The following YME1L1 variants were observed in gnomAD, a reference collection of about 807,000 sequenced individuals.
The protein encoded by YME1L1 is ATP-dependent zinc metalloprotease YME1L1.
YME1L1 carries 39 observed loss-of-function variants against 90.4 expected under a neutral mutation model. That is an observed-to-expected ratio of 0.43 (90% confidence interval 0.33 to 0.56). YME1L1 has a LOEUF of 0.56. YME1L1 is among the 20% of genes least tolerant of loss of function. The pLI is 0.03. For synonymous variants in YME1L1, 284 were observed against 287.3 expected, an observed-to-expected ratio of 0.99 and a Z score of 0.12; for missense variants, 617 against 868.4, an observed-to-expected ratio of 0.71 and a Z score of 3.64.
chr10:27,124,253 G>A (rs1436453316), intron 9 of YME1L1, among the ~76,000 whole-genome samples: 2 of 152,138 alleles, frequency 1.3e-5, no homozygotes, highest in Non-Finnish European at 2.9e-5. Context: ...GACGTTTATA[G>A]TTTTCTTTCA....
In YME1L1 at chr10:27,123,556, T is replaced by G. The variant is rs758926969; in HGVS notation, c.1093A>C (p.Asn365His). The change falls in exon 10 of 19, where the codon AAT (asparagine) becomes CAT (histidine). Residue 365 changes from asparagine to histidine, a missense_variant. Around this residue, in one of 4 missense-constraint regions of YME1L1, gnomAD observed 93 missense variants for 184.8 expected, o/e 0.50. Coordinates refer to ENST00000376016, the MANE Select transcript of YME1L1 (RefSeq NM_014263.4). ...ATACACCAAAACGTACTAAAAAGAT[T>G]TCTGATACGGCTGGCTCCCACACCC... is the stretch of plus-strand genomic sequence containing the variant. ...FVGVGASRIRNLFREAKANAP... is the reference protein window; with the variant it reads ...FVGVGASRIRHLFREAKANAP... 126 of 1,613,496 alleles carry G rather than the reference T, an allele frequency of 7.8e-5. No homozygotes were observed. The highest frequency in any genetic ancestry group is 1.0e-4 in the Non-Finnish European group (121 of 1,179,764).
At position 27,136,129 on chromosome 10, in the gene YME1L1, T is replaced by C. The variant is rs117003230; in HGVS notation, c.540+147A>G. 55 of 681,748 alleles carry C rather than the reference T, an allele frequency of 8.1e-5. No homozygotes were observed. The East Asian group carries it at 1.5e-3, about 18-fold the overall frequency. The allele number at this position is 681,748 out of a possible 1,614,324, so 42.2% of individuals were successfully genotyped here. On this transcript the variant is annotated intron_variant, in intron 5 of 18. Coordinates refer to ENST00000376016, the MANE Select transcript of YME1L1 (RefSeq NM_014263.4). ...CTGGTGCCCAGAAGAGTTAGAGGTA[T>C]AATGATTACACAGGTTACTAATCCC...
In YME1L1 at chr10:27,123,047, A is replaced by C. The variant is rs1435205088; in HGVS notation, c.1103-74T>G. On this transcript the variant is annotated intron_variant, in intron 10 of 18. Coordinates refer to ENST00000376016, the MANE Select transcript of YME1L1 (RefSeq NM_014263.4). ...TTGAACAAAACGAGATAAATATTAA[A>C]ATCCTATACAACTGTCAAAAGCCAA... is the stretch of plus-strand genomic sequence containing the variant. 4 of 1,528,196 alleles carry C rather than the reference A, an allele frequency of 2.6e-6. No homozygotes were observed. The Admixed American group carries it at 6.4e-5, about 25-fold the overall frequency. The allele number at this position is 1,528,196 out of a possible 1,614,324, so 94.7% of individuals were successfully genotyped here. A position where few individuals can be genotyped will look rare whatever the true frequency, so the allele number is the denominator to read the frequency against.
intron 4 of YME1L1, among the ~76,000 whole-genome samples, chr10:27,141,798 T>C (rs1459103132): frequency 6.6e-6 from 1 of 152,208 alleles, no homozygotes; most frequent in Admixed American, 6.5e-5. Flanking sequence ...GTGGGGTTTT[T>C]CCTGAGTTCT....
At position 27,154,164 on chromosome 10, in the gene YME1L1, A is replaced by C. The variant is rs2057281330; in HGVS notation, c.33+14T>G. 1 of 1,586,322 alleles carries C rather than the reference A, an allele frequency of 6.3e-7. No homozygotes were observed. On this transcript the variant is annotated intron_variant, in intron 1 of 18. Coordinates refer to ENST00000376016, the MANE Select transcript of YME1L1 (RefSeq NM_014263.4). ...GGGCGGGAGGAAAAAAAATGGGCTGAATGCCTGGCTTACCTGGGGTTGCAC... is the reference window on the plus strand; with the variant it reads ...GGGCGGGAGGAAAAAAAATGGGCTGCATGCCTGGCTTACCTGGGGTTGCAC...
rs1036172399 is a variant in YME1L1, at chr10:27,110,966, G to A, written c.*1011C>T. 6.6e-6 allele frequency: 1 copy of A among 151,946 alleles called. No individual in the cohort carries two copies. Among genetic ancestry groups the A allele is most frequent in the African/African-American group, 2.4e-5 (1 of 41,352 alleles). The allele number at this position is 151,946 out of a possible 1,614,324, so 9.4% of individuals were successfully genotyped here. A position where few individuals can be genotyped will look rare whatever the true frequency, so the allele number is the denominator to read the frequency against. ...GGCTCACTGCAACCTCCACCTCCTGGGTTCAAGCAATTCTCGTGCCTCAGC... is the reference window on the plus strand; with the variant it reads ...GGCTCACTGCAACCTCCACCTCCTGAGTTCAAGCAATTCTCGTGCCTCAGC... On this transcript the variant is annotated 3_prime_UTR_variant, in exon 19 of 19. Transcript: ENST00000376016.
At chr10:27,115,916 A>G (rs1477887298) in intron 17 of YME1L1, 144 bp downstream of exon 17, 2 of 749,088 alleles carry the variant, frequency 2.7e-6, no homozygotes, top group East Asian at 2.6e-5. Flanking sequence ...TATTCAGAGA[A>G]TAACAATGTT....
chr10:27,131,890 A>T lies in YME1L1; in HGVS notation c.827T>A (p.Met276Lys). ...GLDSAVDPVQMKNVTFEHVKG... is the reference protein window; with the variant it reads ...GLDSAVDPVQKKNVTFEHVKG... ...AACATGTTCAAAGGTGACATTTTTC[A>T]TCTGGACAGGATCTACTGCAGAATC... The change falls in exon 8 of 19, where the codon ATG becomes AAG. Residue 276 changes from methionine (M) to lysine (K), a missense_variant. By Grantham distance (95) the Met-to-Lys change is moderately conservative. Transcript: ENST00000376016. 6.2e-7 allele frequency: 1 copy of T among 1,612,590 alleles called. No homozygotes were observed. The highest frequency in any genetic ancestry group is 8.5e-7 in the Non-Finnish European group (1 of 1,179,634).
intron 1 of YME1L1, 30 bp downstream of exon 1, chr10:27,154,148 G>A (rs749118599): frequency 3.1e-4 from 484 of 1,574,716 alleles, no homozygotes; most frequent in Non-Finnish European, 4.0e-4. Context: ...AGGGCGGGAG[G>A]AAAAAAAATG....
chr10:27,120,615 A>C (rs1588586483), intron 12 of YME1L1, 68 bp from the exon 13 acceptor site: 2 of 1,282,492 alleles, frequency 1.6e-6, no homozygotes, highest in Non-Finnish European at 2.2e-6. Context: ...CAGGACTGAC[A>C]CCCTAATGAC....
chr10:27,141,844 C>T (rs1223028936), intron 4 of YME1L1, among the ~76,000 whole-genome samples: 2 of 152,142 alleles, frequency 1.3e-5, no homozygotes, highest in Non-Finnish European at 2.9e-5. Flanking sequence ...TCTTTCATGA[C>T]ACCATTAGTC....
intron 12 of YME1L1, among the ~76,000 whole-genome samples, 161 bp from the exon 13 acceptor site, chr10:27,120,708 A>G (rs1455604143): frequency 6.6e-6 from 1 of 152,248 alleles, no homozygotes; most frequent in Non-Finnish European, 1.5e-5. Context: ...AACATGGCTC[A>G]AGTAACAGTG....
Position 27,116,045 on chromosome 10 carries a change from TA to T in YME1L1, c.1920+14del, listed in dbSNP as rs2056809736. The stretch of plus-strand genomic sequence containing the variant: ...CATAATTTGATACATGAAAAGGATT[TA>T]AAAAATCTATTACCTTTTCACTCAT... On this transcript the variant is annotated intron_variant, in intron 17 of 18. Transcript: ENST00000376016. 1 of 1,604,076 alleles carries T rather than the reference TA, an allele frequency of 6.2e-7. No homozygotes were observed. Among genetic ancestry groups the T allele is most frequent in the South Asian group, 1.1e-5 (1 of 89,684 alleles).
chr10:27,128,688 T>C (rs1334374105), intron 8 of YME1L1, among the ~76,000 whole-genome samples: 1 of 151,988 alleles, frequency 6.6e-6, no homozygotes, highest in Non-Finnish European at 1.5e-5. Flanking sequence ...GTGGATCACT[T>C]GAGCTCAGGA....
chr10:27,115,493 T>C (rs1420094355), intron 17 of YME1L1, among the ~76,000 whole-genome samples: 1 of 151,752 alleles, frequency 6.6e-6, no homozygotes, highest in Non-Finnish European at 1.5e-5. Context: ...TGTATTTTTT[T>C]AGAGATGGGG....
chr10:27,123,014 C>A, intron 10 of YME1L1, 41 bp from the exon 11 acceptor site: 2 of 1,592,624 alleles, frequency 1.3e-6, no homozygotes, highest in South Asian at 2.3e-5. Flanking sequence ...GAAAGAAAGT[C>A]AACACTTTTG....
chr10:27,124,781 T>C (rs187406357), intron 9 of YME1L1, among the ~76,000 whole-genome samples: 7 of 152,326 alleles, frequency 4.6e-5, no homozygotes, highest in African/African-American at 1.2e-4. Flanking sequence ...GATGTTTAAA[T>C]AAATGTAAAG....
In YME1L1 at chr10:27,111,941, C is replaced by G. The variant is rs1313073946; in HGVS notation, c.*36G>C. On this transcript the variant is annotated 3_prime_UTR_variant, in exon 19 of 19. Transcript: ENST00000376016. ...TACTGCAATGCTACTTGTATTCTTG[C>G]AATAAAACCAGCAAGCATCCATATC... 1.9e-6 allele frequency: 3 copies of G among 1,612,418 alleles called. No individual in the cohort carries two copies. In the African/African-American group the frequency reaches 4.0e-5, roughly 22 times the overall value.
At chr10:27,128,073 T>A (rs143125191) in intron 8 of YME1L1, among the ~76,000 whole-genome samples, 1 of 152,298 alleles carries the variant, frequency 6.6e-6, no homozygotes, top group Non-Finnish European at 1.5e-5. Flanking sequence ...TTGAGGAACA[T>A]AAGATCTATC....
Sources: allele counts gnomAD v4.1 joint callset (sites outside exome capture counted in the v4.1 genomes callset), GRCh38; gene constraint gnomAD v4.1.1; regional missense constraint gnomAD v4.1.1; transcripts MANE v1.5; gene names NCBI Gene and HGNC (gene_info 2026-07-23, HGNC 2026-07-21).